The following DLG1 variants were observed in gnomAD, a reference collection of about 807,000 sequenced individuals.
DLG1 encodes disks large homolog 1.
A neutral mutation model predicts 123.4 loss-of-function variants in DLG1; 42 were observed. The ratio of observed to expected loss-of-function variants is 0.34; its 90% confidence interval spans 0.27 to 0.44. DLG1 has a LOEUF of 0.44. Among genes scored for constraint, DLG1 ranks in the 20% least tolerant of loss-of-function variants. DLG1 has a pLI of 1.00. For synonymous variants in DLG1, 317 were observed against 356.2 expected (o/e 0.89, Z 1.24); for missense variants, 942 against 1,082.6 (o/e 0.87, Z 1.82).
chr3:197,267,023 G>A (rs1344630310), intron 4 of DLG1, among the ~76,000 whole-genome samples: 1 of 152,194 alleles, frequency 6.6e-6, no homozygotes, highest in African/African-American at 2.4e-5. Flanking sequence ...GTACATGTGA[G>A]TGACAAGCAC....
chr3:197,152,129 C>CA (rs748929108), intron 5 of DLG1, among the ~76,000 whole-genome samples: 3 of 152,120 alleles, frequency 2.0e-5, no homozygotes, highest in Non-Finnish European at 4.4e-5. Flanking sequence ...CTCACACAGT[C>CA]CCCCTGGGTA....
chr3:197,119,594 T>C, intron 11 of DLG1, 64 bp from the exon 12 acceptor site: 1 of 1,445,176 alleles, frequency 6.9e-7, no homozygotes, highest in Non-Finnish European at 9.3e-7. Flanking sequence ...ATTCCATTTA[T>C]GAGTGATTAA....
intron 4 of DLG1, among the ~76,000 whole-genome samples, chr3:197,222,882 A>T (rs1200711850): frequency 3.9e-5 from 6 of 152,216 alleles, no homozygotes; most frequent in Non-Finnish European, 8.8e-5. Context: ...GCAGTTAGTA[A>T]AGGCAAGAAC....
At chr3:197,248,309 C>T (rs1207855337) in intron 4 of DLG1, among the ~76,000 whole-genome samples, 1 of 152,142 alleles carries the variant, frequency 6.6e-6, no homozygotes, top group East Asian at 1.9e-4. Flanking sequence ...GCTGCGGTAT[C>T]TACTTGTAGG....
rs905701937 is a variant in DLG1 at position 197,298,582 on chromosome 3, G to A, written c.-78C>T. 5 of 398,468 alleles carry A rather than the reference G, an allele frequency of 1.3e-5. No individual in the cohort carries two copies. The Admixed American group carries it at 1.3e-4, about 11-fold the overall frequency. 24.7% of individuals were successfully genotyped at this position (398,468 alleles called of 1,614,324 possible). A position where few individuals can be genotyped will look rare whatever the true frequency, so the allele number is the denominator to read the frequency against. On this transcript the variant is annotated 5_prime_UTR_variant, in exon 1 of 25. Coordinates refer to ENST00000667157, the MANE Select transcript of DLG1 (RefSeq NM_001366207.1). ...TCAGCAGTGCCGTTTCCAACTCCGC[G>A]GCAGAGACAGCGCCTGGCGACCCCG...
At chr3:197,281,022 CTTT>C (rs34918314) in intron 4 of DLG1, among the ~76,000 whole-genome samples, 36,293 of 133,286 alleles carry the variant, frequency 0.27, 4,492 homozygotes, top group Middle Eastern at 0.37. Context: ...TGTGGAGGCT[CTTT>C]TTTTTTTTTT....
intron 5 of DLG1, among the ~76,000 whole-genome samples, chr3:197,155,293 G>A (rs753346396): frequency 2.6e-5 from 4 of 151,938 alleles, no homozygotes; most frequent in Non-Finnish European, 4.4e-5. Flanking sequence ...AAAATAAGAC[G>A]AAAAAAACCC....
chr3:197,067,308 A>T (rs910389956), intron 19 of DLG1, among the ~76,000 whole-genome samples: 17 of 152,072 alleles, frequency 1.1e-4, no homozygotes, highest in African/African-American at 4.1e-4. Flanking sequence ...TAAAAAAATA[A>T]TAAATTTAAT....
chr3:197,102,611 T>C (rs1361409187), intron 14 of DLG1, among the ~76,000 whole-genome samples: 1 of 152,266 alleles, frequency 6.6e-6, no homozygotes, highest in Admixed American at 6.5e-5. Flanking sequence ...CTGGGGGCTG[T>C]GGCTCACGCC....
In DLG1 at chr3:197,051,608, T is replaced by G; in HGVS notation, c.2544A>C (p.Lys848Asn). The G allele has an allele frequency of 6.2e-7, 1 of 1,614,010 alleles. No homozygotes were observed. Among genetic ancestry groups the G allele is most frequent in the Non-Finnish European group, 8.5e-7 (1 of 1,179,930 alleles). The change falls in exon 24 of 25, where the codon AAA becomes AAC. Residue 848 changes from lysine (K) to asparagine (N), a missense_variant. Transcript: ENST00000667157. ...AATGTTCAGTAAACTCCTGTTCCAGTTTCATGGCTCTCTCAAATGTTTTTC... is the reference window on the plus strand; with the variant it reads ...AATGTTCAGTAAACTCCTGTTCCAGGTTCATGGCTCTCTCAAATGTTTTTC... ...QARKTFERAM[K>N]LEQEFTEHFT...
At chr3:197,296,909 G>C (rs1010281492) in intron 2 of DLG1, 4 of 458,078 alleles carry the variant, frequency 8.7e-6, no homozygotes. Context: ...GAATGATAGA[G>C]TGAAATACTA....
intron 6 of DLG1, among the ~76,000 whole-genome samples, chr3:197,145,712 C>T (rs1790392906): frequency 6.6e-6 from 1 of 152,082 alleles, no homozygotes; most frequent in Non-Finnish European, 1.5e-5. Context: ...AGTAAATATT[C>T]CTGGTGCTTA....
rs552539363 is a variant in DLG1, at chr3:197,076,585, C to T, written c.2005+1G>A. The T allele has an allele frequency of 3.7e-6, 6 of 1,607,598 alleles. No homozygotes were observed. The highest frequency in any genetic ancestry group is 1.3e-5 in the African/African-American group (1 of 74,828). On this transcript the variant is annotated splice_donor_variant, in intron 18 of 24. Transcript: ENST00000667157. LOFTEE classifies it high-confidence loss of function. Reference sequence around the variant, plus strand: ...GTTGACCACTGGATCCACATACTTACGGTCAGCATCACTTGTTTCCTGCTC... The same window carrying T: ...GTTGACCACTGGATCCACATACTTATGGTCAGCATCACTTGTTTCCTGCTC...
At chr3:197,274,513 G>GAT (rs1765465424) in intron 4 of DLG1, among the ~76,000 whole-genome samples, 1 of 151,320 alleles carries the variant, frequency 6.6e-6, no homozygotes. Context: ...GACACGACAC[G>GAT]ACACGATACG....
At chr3:197,161,613 A>G in intron 5 of DLG1, 1 of 1,296,232 alleles carries the variant, frequency 7.7e-7, no homozygotes, top group Non-Finnish European at 1.0e-6. Context: ...TGAAATTTTT[A>G]TAAAGAAAAA....
At chr3:197,080,894 A>C in intron 17 of DLG1, 157 bp downstream of exon 17, 1 of 556,064 alleles carries the variant, frequency 1.8e-6, no homozygotes, top group Non-Finnish European at 3.1e-6. Flanking sequence ...AGGGTCTGTG[A>C]AATGGGTGCT....
Position 197,149,810 on chromosome 3 carries a change from T to A in DLG1, c.484-14A>T. 1 of 1,528,434 alleles carries A rather than the reference T, an allele frequency of 6.5e-7. No individual in the cohort carries two copies. The highest frequency in any genetic ancestry group is 9.0e-7 in the Non-Finnish European group (1 of 1,106,372). The allele number at this position is 1,528,434 out of a possible 1,614,324, so 94.7% of individuals were successfully genotyped here. ...GGGAGGATTTGCCTTTAAGAAGAAA[T>A]TGTAAATGTGTTAACAAGAAAATAA... is the stretch of plus-strand genomic sequence containing the variant. On this transcript the variant is annotated splice_polypyrimidine_tract_variant and intron_variant, in intron 5 of 24. Coordinates refer to ENST00000667157, the MANE Select transcript of DLG1 (RefSeq NM_001366207.1).
rs1007769305 is a variant in DLG1, at chr3:197,214,774, C to T, written c.319-20185G>A. ...GTCTTACAAATCAATTTTTAAAAAA[C>T]GAAAAAGAAAAATGAGCAAGACACA... On this transcript the variant is annotated intron_variant, in intron 4 of 24. Transcript: ENST00000667157. 7.2e-5 allele frequency among the ~76,000 whole-genome samples: 11 copies of T among 151,902 alleles called. No homozygotes were observed. The East Asian group carries it at 1.2e-3, about 16-fold the overall frequency.
At chr3:197,164,272 G>A (rs1242099641) in intron 5 of DLG1, among the ~76,000 whole-genome samples, 2 of 151,634 alleles carry the variant, frequency 1.3e-5, no homozygotes, top group African/African-American at 2.4e-5. Flanking sequence ...TGGCCCATGC[G>A]TGTAATCCCA....
Sources: allele counts gnomAD v4.1 joint callset (sites outside exome capture counted in the v4.1 genomes callset), GRCh38; gene constraint gnomAD v4.1.1; transcripts MANE v1.5; gene names NCBI Gene and HGNC (gene_info 2026-07-23, HGNC 2026-07-21).